The following MEGF10 variants were observed in gnomAD, a reference collection of about 807,000 sequenced individuals.
The protein encoded by MEGF10 is multiple epidermal growth factor-like domains protein 10.
A neutral mutation model predicts 147.5 loss-of-function variants in MEGF10; 86 were observed. That is an observed-to-expected ratio of 0.58 (90% CI 0.49 to 0.70). MEGF10 has a LOEUF of 0.70. MEGF10 is among the 30% of genes least tolerant of loss of function. The probability of loss-of-function intolerance (pLI) is 0.00; values close to 1 mark genes in which losing one functional copy is unlikely to be tolerated. For synonymous variants in MEGF10, 478 were observed against 525.5 expected (o/e 0.91, Z 1.24); for missense variants, 1,329 against 1,487.3 (o/e 0.89, Z 1.75).
At chr5:127,426,077 A>C (rs79205632) in intron 13 of MEGF10, among the ~76,000 whole-genome samples, 2,837 of 152,286 alleles carry the variant, frequency 0.019, 54 homozygotes, top group South Asian at 0.078. Context: ...GGAGCCAGAG[A>C]TAAGAGTCAG....
At position 127,340,432 on chromosome 5, in the gene MEGF10, G is replaced by T; in HGVS notation, c.219-98G>T. The T allele has an allele frequency of 5.9e-6, 5 of 845,438 alleles. No individual in the cohort carries two copies. The Admixed American group carries it at 1.1e-4, about 18-fold the overall frequency. The allele number at this position is 845,438 out of a possible 1,614,324, so 52.4% of individuals were successfully genotyped here. On this transcript the variant is annotated intron_variant, in intron 3 of 24. Coordinates refer to ENST00000503335, the MANE Select transcript of MEGF10 (RefSeq NM_001256545.2). ...AAATTGATGAGTTAGTATTATATTG[G>T]TCTAGACATGTATTCCATATTTCTT...
intron 1 of MEGF10, among the ~76,000 whole-genome samples, chr5:127,302,721 T>C (rs964203634): frequency 9.9e-5 from 15 of 152,214 alleles, no homozygotes; most frequent in Non-Finnish European, 1.6e-4. Flanking sequence ...CAAGCCTTTG[T>C]TGCATACTGA....
In MEGF10 at chr5:127,410,594, A is replaced by G; in HGVS notation, c.1123A>G (p.Thr375Ala). ...DKRCPCHLENTHSCHPMSGEC... is the reference protein window; with the variant it reads ...DKRCPCHLENAHSCHPMSGEC... ...ACGGTGTCCCTGCCACCTGGAAAAC[A>G]CTCATAGGTGAGTGTCAGCTTCCCC... Residue 375 changes from threonine to alanine, a missense_variant, in exon 9 of 25, where the codon ACT becomes GCT. Transcript: ENST00000503335. 1 of 1,602,926 alleles carries G rather than the reference A, an allele frequency of 6.2e-7. No individual in the cohort carries two copies. The highest frequency in any genetic ancestry group is 1.7e-5 in the Admixed American group (1 of 59,606).
At chr5:127,449,346 A>G in intron 22 of MEGF10, 124 bp downstream of exon 22, 1 of 1,319,712 alleles carries the variant, frequency 7.6e-7, no homozygotes, top group Middle Eastern at 2.7e-4. Context: ...CAATAGCAGA[A>G]TTATGCCTAA....
At chr5:127,258,720 T>C in the MEGF10 span, among the ~76,000 whole-genome samples, 3 of 152,136 alleles carry the variant, frequency 2.0e-5, no homozygotes, top group Non-Finnish European at 2.9e-5. Flanking sequence ...CAGTAATGGA[T>C]TTGCTCTCTC....
rs1302654650 is a variant in MEGF10, at chr5:127,391,100, GCGCACACACACA to G, written c.413-5430_413-5419del. On this transcript the variant is annotated intron_variant, in intron 5 of 24. Coordinates refer to ENST00000503335, the MANE Select transcript of MEGF10 (RefSeq NM_001256545.2). ...TACATACACACATGCGCGCGCGCGC[GCGCACACACACA>G]CACACACACACACACACACACACAC... is the stretch of plus-strand genomic sequence containing the variant. Among the ~76,000 whole-genome samples, 17 of 40,118 alleles carry G rather than the reference GCGCACACACACA, an allele frequency of 4.2e-4. 1 individual carries two copies. The highest frequency in any genetic ancestry group is 3.0e-3 in the South Asian group (3 of 990). The allele number at this position is 40,118 out of a possible 152,430, so 26.3% of individuals were successfully genotyped here. A position where few individuals can be genotyped will look rare whatever the true frequency, so the allele number is the denominator to read the frequency against.
the MEGF10 span, among the ~76,000 whole-genome samples, chr5:127,263,320 A>T: frequency 0.05 from 7,601 of 151,586 alleles, 331 homozygotes; most frequent in African/African-American, 0.11. Context: ...GGGGGGGGTA[A>T]AATTATAGAT....
chr5:127,452,208 A>T (rs527427114), intron 22 of MEGF10, among the ~76,000 whole-genome samples: 1 of 152,306 alleles, frequency 6.6e-6, no homozygotes, highest in African/African-American at 2.4e-5. Context: ...CCCAGCTCTT[A>T]TTCCCTAACT....
At chr5:127,418,080 A>T (rs1028281908) in intron 10 of MEGF10, among the ~76,000 whole-genome samples, 2 of 152,214 alleles carry the variant, frequency 1.3e-5, no homozygotes, top group Non-Finnish European at 2.9e-5. Context: ...ATTATTCCTT[A>T]AGTAATTTAT....
At chr5:127,443,208 T>C (rs1580877277) in intron 19 of MEGF10, 82 bp downstream of exon 19, 4 of 1,384,094 alleles carry the variant, frequency 2.9e-6, no homozygotes, top group East Asian at 2.7e-5. Context: ...TTTTCACTTA[T>C]GTTATCCAGC....
At chr5:127,256,398 A>G in the MEGF10 span, among the ~76,000 whole-genome samples, 2 of 152,216 alleles carry the variant, frequency 1.3e-5, no homozygotes, top group Non-Finnish European at 2.9e-5. Flanking sequence ...CGTTTTGACC[A>G]AAGGAGATAG....
intron 4 of MEGF10, among the ~76,000 whole-genome samples, chr5:127,368,909 A>G (rs1366692786): frequency 6.6e-6 from 1 of 152,208 alleles, no homozygotes; most frequent in Non-Finnish European, 1.5e-5. Context: ...AAAAATATGT[A>G]GGAAAAAAAT....
chr5:127,303,757 G>C (rs1438449342), intron 1 of MEGF10, among the ~76,000 whole-genome samples: 4 of 152,192 alleles, frequency 2.6e-5, no homozygotes, highest in Non-Finnish European at 4.4e-5. Context: ...AGTGGGGTAT[G>C]GGTCCTAGAA....
At chr5:127,445,279 G>T in intron 19 of MEGF10, 178 bp from the exon 20 acceptor site, 1 of 607,570 alleles carries the variant, frequency 1.6e-6, no homozygotes, top group Non-Finnish European at 2.9e-6. Flanking sequence ...GGCATGGATA[G>T]GCCGACAACA....
At chr5:127,342,133 G>A (rs1761703602) in intron 4 of MEGF10, among the ~76,000 whole-genome samples, 1 of 152,064 alleles carries the variant, frequency 6.6e-6, no homozygotes. Flanking sequence ...AAAATTACAT[G>A]TTTATAATCA....
At chr5:127,247,458 G>C in the MEGF10 span, among the ~76,000 whole-genome samples, 42 of 134,596 alleles carry the variant, frequency 3.1e-4, 2 homozygotes, top group East Asian at 6.4e-4. Context: ...AGAAGAAGAA[G>C]AAGAAGAAGA....
intron 1 of MEGF10, among the ~76,000 whole-genome samples, chr5:127,327,916 C>T (rs139741321): frequency 6.6e-6 from 1 of 152,084 alleles, no homozygotes; most frequent in African/African-American, 2.4e-5. Flanking sequence ...AGGGTTTCAC[C>T]ATGTTGGCCA....
chr5:127,247,290 G>T, the MEGF10 span, among the ~76,000 whole-genome samples: 4 of 112,616 alleles, frequency 3.6e-5, no homozygotes, highest in East Asian at 4.8e-4. Flanking sequence ...TGGTTGGGGG[G>T]TGGGGGAGAG....
Position 127,449,203 on chromosome 5 carries a change from C to T in MEGF10, c.2961C>T (p.Gly987=), listed in dbSNP as rs373066612. Residue 987 remains glycine (G), a synonymous_variant, in exon 22 of 25, where the codon GGC becomes GGT. Transcript: ENST00000503335. ...CATTGCCGGCTGACTGGAAACATGG[C>T]GGCTACCTCAACGAGCTCGGTGAGT... is the stretch of plus-strand genomic sequence containing the variant. ...TGTLPADWKH[G]GYLNELGAFG... 2.0e-5 allele frequency: 32 copies of T among 1,612,870 alleles called. No individual in the cohort carries two copies. Among genetic ancestry groups the T allele is most frequent in the South Asian group, 1.9e-4 (17 of 90,918 alleles).
Sources: allele counts gnomAD v4.1 joint callset (sites outside exome capture counted in the v4.1 genomes callset), GRCh38; gene constraint gnomAD v4.1.1; transcripts MANE v1.5; gene names NCBI Gene and HGNC (gene_info 2026-07-23, HGNC 2026-07-21).